The following NXPH1 variants were observed in gnomAD, a reference collection of about 807,000 sequenced individuals.
NXPH1 encodes neurexophilin 1.
In NXPH1, 5 loss-of-function variants were observed where a neutral mutation model predicts 23.7. That is an observed-to-expected ratio of 0.21 (90% CI 0.11 to 0.44). The LOEUF (loss-of-function observed/expected upper bound fraction) is 0.44. Ranked by LOEUF, NXPH1 falls within the 20% of genes least tolerant of loss-of-function variation. NXPH1 has a pLI of 0.99. For synonymous variants in NXPH1, 144 were observed against 122.2 expected (o/e 1.18, Z -1.18); for missense variants, 324 against 321.6 (o/e 1.01, Z -0.06).
At chr7:8,510,719 C>T (rs541257580) in intron 2 of NXPH1, among the ~76,000 whole-genome samples, 7 of 151,786 alleles carry the variant, frequency 4.6e-5, no homozygotes, top group African/African-American at 9.7e-5. Flanking sequence ...ACTTTATATG[C>T]GTATGTTCAT....
intron 2 of NXPH1, among the ~76,000 whole-genome samples, chr7:8,709,048 G>A (rs1377160903): frequency 6.6e-6 from 1 of 152,080 alleles, no homozygotes; most frequent in Non-Finnish European, 1.5e-5. Flanking sequence ...ATTGGCTTAT[G>A]ATAAAGTTTA....
intron 2 of NXPH1, among the ~76,000 whole-genome samples, chr7:8,560,544 C>T (rs561999786): frequency 2.6e-5 from 4 of 151,786 alleles, no homozygotes; most frequent in African/African-American, 9.6e-5. Flanking sequence ...GTATTTATTA[C>T]CCTTTCTGCA....
At chr7:8,519,321 C>T (rs369291865) in intron 2 of NXPH1, among the ~76,000 whole-genome samples, 61 of 152,260 alleles carry the variant, frequency 4.0e-4, no homozygotes, top group African/African-American at 1.4e-3. Context: ...TTGCCCCTTC[C>T]TATGTAGACA....
At chr7:8,514,634 G>T (rs1195485267) in intron 2 of NXPH1, among the ~76,000 whole-genome samples, 4 of 152,114 alleles carry the variant, frequency 2.6e-5, no homozygotes, top group African/African-American at 9.7e-5. Flanking sequence ...TTCCAAGTGG[G>T]TAGATCCCAT....
intron 2 of NXPH1, among the ~76,000 whole-genome samples, chr7:8,518,123 A>C (rs1172566468): frequency 6.6e-6 from 1 of 152,188 alleles, no homozygotes; most frequent in Non-Finnish European, 1.5e-5. Flanking sequence ...AAGTGTAAAA[A>C]AATATTATTA....
At chr7:8,669,145 C>T (rs994522010) in intron 2 of NXPH1, among the ~76,000 whole-genome samples, 1 of 152,174 alleles carries the variant, frequency 6.6e-6, no homozygotes, top group Non-Finnish European at 1.5e-5. Context: ...CTGGAGGAGG[C>T]CTGGACCTCG....
chr7:8,475,674 TC>T lies in NXPH1; in HGVS notation c.54+39911del, dbSNP rs543266711. On this transcript the variant is annotated intron_variant, in intron 2 of 2. Coordinates refer to ENST00000405863, the MANE Select transcript of NXPH1 (RefSeq NM_152745.3). ...TTCTTTGGTGGGAAGCTCTTTTTTTTCCCCTTTCAGGATATTAATGCTAGTG... is the reference window on the plus strand; with the variant it reads ...TTCTTTGGTGGGAAGCTCTTTTTTTTCCCTTTCAGGATATTAATGCTAGTG... 1.6e-3 allele frequency among the ~76,000 whole-genome samples: 251 copies of T among 152,240 alleles called. 7 individuals carry two copies. The highest frequency in any genetic ancestry group is 0.016 in the Admixed American group (251 of 15,286).
At chr7:8,513,197 G>A (rs1474766724) in intron 2 of NXPH1, among the ~76,000 whole-genome samples, 1 of 152,040 alleles carries the variant, frequency 6.6e-6, no homozygotes, top group Non-Finnish European at 1.5e-5. Flanking sequence ...CATGGAATAG[G>A]AATTTTACAG....
chr7:8,494,589 A>G (rs1453173068), intron 2 of NXPH1, among the ~76,000 whole-genome samples: 13 of 115,720 alleles, frequency 1.1e-4, no homozygotes, highest in Non-Finnish European at 2.4e-4. Context: ...AATTTTCATT[A>G]TTATTACTAT....
intron 2 of NXPH1, among the ~76,000 whole-genome samples, chr7:8,733,659 T>C (rs928545989): frequency 1.3e-5 from 2 of 152,196 alleles, no homozygotes; most frequent in African/African-American, 4.8e-5. Flanking sequence ...TAATATGTTT[T>C]TTGGCCACAT....
Position 8,435,531 on chromosome 7 carries a change from C to A in NXPH1, c.-110-73C>A, listed in dbSNP as rs6463807. On this transcript the variant is annotated intron_variant, in intron 1 of 2. Coordinates refer to ENST00000405863, the MANE Select transcript of NXPH1 (RefSeq NM_152745.3). The surrounding 1 kb of genome is among the most constrained non-coding windows in gnomAD (Gnocchi z 5.9). ...GGTCCCCCACTCCCCGCTACGACCC[C>A]CTTTCCCCGCTTGATTGTCAAGCCT... is the stretch of plus-strand genomic sequence containing the variant. The A allele has an allele frequency of 6.7e-6, 4 of 596,812 alleles. No individual in the cohort carries two copies. The highest frequency in any genetic ancestry group is 1.2e-5 in the Non-Finnish European group (4 of 330,352). 37.0% of individuals were successfully genotyped at this position (596,812 alleles called of 1,614,324 possible). A position where few individuals can be genotyped will look rare whatever the true frequency, so the allele number is the denominator to read the frequency against.
chr7:8,731,061 A>T (rs1780144853), intron 2 of NXPH1, among the ~76,000 whole-genome samples: 1 of 148,068 alleles, frequency 6.8e-6, no homozygotes, highest in African/African-American at 2.5e-5. Context: ...TTTTTCTCTA[A>T]ACTTCCCTTC....
rs532570490 is a variant in NXPH1 at position 8,539,227 on chromosome 7, A to G, written c.54+103460A>G. ...AGCTAAATTCTCATCTAAATTGACA[A>G]GAAGCTAAGGGATAATATCTAAGCT... On this transcript the variant is annotated intron_variant, in intron 2 of 2. Coordinates refer to ENST00000405863, the MANE Select transcript of NXPH1 (RefSeq NM_152745.3). 7.9e-5 allele frequency among the ~76,000 whole-genome samples: 12 copies of G among 151,936 alleles called. No homozygotes were observed. In the South Asian group the frequency reaches 2.1e-3, roughly 26 times the overall value.
Position 8,666,708 on chromosome 7 carries a change from C to T in NXPH1, c.55-84300C>T, listed in dbSNP as rs187836254. On this transcript the variant is annotated intron_variant, in intron 2 of 2. Coordinates refer to ENST00000405863, the MANE Select transcript of NXPH1 (RefSeq NM_152745.3). ...TTATTGCTTATGTAATTTCCTTACT[C>T]GTTATTGGTATGTTTGGGTTTTCTA... Among the ~76,000 whole-genome samples the T allele has an allele frequency of 1.2e-4, 18 of 152,030 alleles. No homozygotes were observed. In the East Asian group the frequency reaches 2.5e-3, roughly 21 times the overall value.
At chr7:8,514,504 G>A (rs188650410) in intron 2 of NXPH1, among the ~76,000 whole-genome samples, 1 of 152,108 alleles carries the variant, frequency 6.6e-6, no homozygotes, top group Non-Finnish European at 1.5e-5. Flanking sequence ...TTGGAAAATG[G>A]TTAAAACAAA....
chr7:8,625,355 G>T (rs1049554263), intron 2 of NXPH1, among the ~76,000 whole-genome samples: 4 of 152,064 alleles, frequency 2.6e-5, no homozygotes, highest in Admixed American at 2.6e-4. Context: ...GGAAGTTAGG[G>T]GGAAGATCAA....
At chr7:8,700,401 G>C (rs1779604530) in intron 2 of NXPH1, among the ~76,000 whole-genome samples, 1 of 151,974 alleles carries the variant, frequency 6.6e-6, no homozygotes, top group Non-Finnish European at 1.5e-5. Flanking sequence ...ACCCATAAAG[G>C]ATGAAACATC....
Position 8,440,043 on chromosome 7 carries a change from T to G in NXPH1, c.54+4276T>G, listed in dbSNP as rs143989265. 3.3e-3 allele frequency among the ~76,000 whole-genome samples: 510 copies of G among 152,360 alleles called. 5 individuals carry two copies. The highest frequency in any genetic ancestry group is 0.014 in the Middle Eastern group (4 of 294). On this transcript the variant is annotated intron_variant, in intron 2 of 2. Transcript: ENST00000405863. Reference sequence around the variant, plus strand: ...GTTCTTGGAGGCAGTACTAAAAGTTTCTCATTCCACTGCATTTCCTGACTC... The same window carrying G: ...GTTCTTGGAGGCAGTACTAAAAGTTGCTCATTCCACTGCATTTCCTGACTC...
intron 2 of NXPH1, among the ~76,000 whole-genome samples, chr7:8,720,316 G>T (rs1779950998): frequency 1.3e-5 from 2 of 152,240 alleles, no homozygotes; most frequent in South Asian, 4.1e-4. Flanking sequence ...GCTGTTTCTT[G>T]TATGTGTGAT....
Sources: gnomAD v4.1 joint callset for allele counts (sites outside exome capture counted in the v4.1 genomes callset) on GRCh38, gnomAD v4.1.1 for gene constraint, Gnocchi (gnomAD v3.1) non-coding constraint, MANE v1.5 for transcripts, NCBI Gene and HGNC (gene_info 2026-07-23, HGNC 2026-07-21) for gene names.